Variants in STPG2 observed in about 807,000 individuals in gnomAD.
The protein encoded by STPG2 is sperm-tail PG-rich repeat-containing protein 2.
STPG2 carries 56 observed loss-of-function variants against 54.2 expected under a neutral mutation model. The observed-to-expected ratio is 1.03, with a 90% CI of 0.83 to 1.29. The LOEUF is 1.29. Ranked by LOEUF, STPG2 falls within the 50% of genes most tolerant of loss-of-function variation. The pLI is 0.00. For synonymous variants in STPG2, 200 were observed against 181.8 expected, an observed-to-expected ratio of 1.10 and a Z score of -0.81; for missense variants, 596 against 544.9, an observed-to-expected ratio of 1.09 and a Z score of -0.93.
At chr4:98,075,079 T>C (rs1378258089) in intron 5 of STPG2, among the ~76,000 whole-genome samples, 1 of 152,236 alleles carries the variant, frequency 6.6e-6, no homozygotes, top group South Asian at 2.1e-4. Context: ...ATCTTTGTGA[T>C]TGCTGATGTA....
chr4:97,880,750 G>A (rs148724055), intron 8 of STPG2, among the ~76,000 whole-genome samples: 35 of 152,032 alleles, frequency 2.3e-4, no homozygotes, highest in Non-Finnish European at 4.0e-4. Flanking sequence ...ATGCTGGTAA[G>A]AGGAGCCTTC....
chr4:97,999,667 C>G (rs755298656), intron 5 of STPG2, among the ~76,000 whole-genome samples: 9 of 152,150 alleles, frequency 5.9e-5, no homozygotes, highest in Non-Finnish European at 1.3e-4. Flanking sequence ...CCACTACTCT[C>G]CAGCCTAAGT....
At chr4:97,628,120 G>T (rs138696028) in intron 10 of STPG2, among the ~76,000 whole-genome samples, 1 of 152,230 alleles carries the variant, frequency 6.6e-6, no homozygotes, top group East Asian at 1.9e-4. Context: ...TCCCAGTCAA[G>T]TTGACACATA....
At chr4:97,573,916 C>T (rs1732659723) in intron 10 of STPG2, among the ~76,000 whole-genome samples, 2 of 151,996 alleles carry the variant, frequency 1.3e-5, no homozygotes, top group Admixed American at 6.6e-5. Context: ...TGGAATGTAA[C>T]AAAAGCCCAC....
intron 5 of STPG2, among the ~76,000 whole-genome samples, chr4:97,983,780 A>G (rs193235902): frequency 9.8e-5 from 15 of 152,350 alleles, no homozygotes; most frequent in African/African-American, 2.9e-4. Context: ...TTTAGCAGAC[A>G]GAGCTAGGAC....
At chr4:97,943,504 T>A (rs902433421) in intron 8 of STPG2, among the ~76,000 whole-genome samples, 14 of 150,634 alleles carry the variant, frequency 9.3e-5, no homozygotes, top group African/African-American at 3.4e-4. Flanking sequence ...TCAACAGGAG[T>A]AAAAATAAAT....
intron 8 of STPG2, among the ~76,000 whole-genome samples, chr4:97,902,384 A>T (rs926239551): frequency 1.6e-4 from 24 of 152,118 alleles, no homozygotes; most frequent in Admixed American, 4.6e-4. Flanking sequence ...AATAAAAGAA[A>T]ATATTTGCAA....
At chr4:97,492,512 T>C (rs1730523277) in intron 4 of STPG2, among the ~76,000 whole-genome samples, 1 of 151,522 alleles carries the variant, frequency 6.6e-6, no homozygotes, top group African/African-American at 2.4e-5. Context: ...AAACATAGAA[T>C]CCAACATGTA....
In STPG2 at chr4:97,603,912, C is replaced by CA. The variant is rs545483504; in HGVS notation, c.1321-44796dup. On this transcript the variant is annotated intron_variant, in intron 10 of 10. Transcript: ENST00000295268. ...AAAAGAGTTCTGGAGATTGGTTGCA[C>CA]AAAAAATGTCAATGTACTTAACATT... is the stretch of plus-strand genomic sequence containing the variant. Among the ~76,000 whole-genome samples the CA allele has an allele frequency of 4.1e-3, 626 of 151,330 alleles. 3 individuals are homozygous for CA. The highest frequency in any genetic ancestry group is 0.02 in the South Asian group (98 of 4,810).
chr4:97,747,235 A>G (rs1327191398), intron 9 of STPG2, among the ~76,000 whole-genome samples: 5 of 151,298 alleles, frequency 3.3e-5, no homozygotes. Flanking sequence ...GCAATCTATT[A>G]TTTCAGCTAA....
intron 4 of STPG2, among the ~76,000 whole-genome samples, chr4:97,513,786 G>A (rs1436851137): frequency 6.6e-6 from 1 of 151,990 alleles, no homozygotes; most frequent in African/African-American, 2.4e-5. Flanking sequence ...AAGTAATCTA[G>A]ACCATAAGCA....
chr4:97,443,488 G>A (rs956301206), intron 4 of STPG2, among the ~76,000 whole-genome samples: 1 of 152,086 alleles, frequency 6.6e-6, no homozygotes, highest in Non-Finnish European at 1.5e-5. Flanking sequence ...GCAGCAAAAC[G>A]GGGTATTTGG....
intron 4 of STPG2, among the ~76,000 whole-genome samples, chr4:97,463,898 T>A (rs1481802331): frequency 6.6e-6 from 1 of 152,230 alleles, no homozygotes; most frequent in Non-Finnish European, 1.5e-5. Context: ...CCCATCTTGA[T>A]ACCATATTAC....
chr4:97,861,637 G>A (rs982851047), intron 8 of STPG2, among the ~76,000 whole-genome samples: 6 of 152,074 alleles, frequency 3.9e-5, no homozygotes, highest in African/African-American at 1.4e-4. Context: ...TAAAGAAAAT[G>A]AAATGAAGAA....
At chr4:97,701,077 C>A (rs1488563773) in intron 10 of STPG2, among the ~76,000 whole-genome samples, 2 of 152,210 alleles carry the variant, frequency 1.3e-5, no homozygotes, top group African/African-American at 4.8e-5. Flanking sequence ...CTAATCTCTG[C>A]AATCCCTCCA....
At chr4:97,632,284 G>GTTTTT in intron 10 of STPG2, among the ~76,000 whole-genome samples, 1 of 140,628 alleles carries the variant, frequency 7.1e-6, no homozygotes, top group African/African-American at 3.0e-5. Flanking sequence ...CAAGCTTATT[G>GTTTTT]GTTTTTTTTT....
At chr4:97,808,750 A>T (rs1459438123) in intron 9 of STPG2, among the ~76,000 whole-genome samples, 1 of 150,802 alleles carries the variant, frequency 6.6e-6, no homozygotes, top group Admixed American at 6.6e-5. Flanking sequence ...AAAGGTTGAA[A>T]GTAAAAGGAA....
chr4:97,582,028 T>A (rs1732874922), intron 10 of STPG2, among the ~76,000 whole-genome samples: 2 of 152,028 alleles, frequency 1.3e-5, no homozygotes, highest in Admixed American at 1.3e-4. Context: ...TATAACTATT[T>A]TAAATAGAAA....
At chr4:97,550,449 A>G (rs975518358) in intron 4 of STPG2, among the ~76,000 whole-genome samples, 8 of 152,192 alleles carry the variant, frequency 5.3e-5, no homozygotes, top group African/African-American at 1.9e-4. Context: ...GGAGTGAAAA[A>G]GGATACGGGG....
Sources: allele counts gnomAD v4.1 joint callset (sites outside exome capture counted in the v4.1 genomes callset), GRCh38; gene constraint gnomAD v4.1.1; transcripts MANE v1.5; gene names NCBI Gene and HGNC (gene_info 2026-07-23, HGNC 2026-07-21).